The following NR1D2 variants were observed in gnomAD, a reference collection of about 807,000 sequenced individuals.
NR1D2 encodes the protein nuclear receptor subfamily 1 group D member 2, also known as V-erbA-related protein 1-related.
NR1D2 carries 25 observed loss-of-function variants against 52.2 expected under a neutral mutation model. The observed-to-expected ratio is 0.48, with a 90% CI of 0.35 to 0.67. The LOEUF is 0.67. Ranked by LOEUF, NR1D2 falls within the 30% of genes least tolerant of loss-of-function variation. NR1D2 has a pLI of 0.01. For synonymous variants in NR1D2, 259 were observed against 230.1 expected (o/e 1.13, Z -1.14); for missense variants, 681 against 707.2 (o/e 0.96, Z 0.42).
In NR1D2 at chr3:23,965,948, T is replaced by G. The variant is rs181565452; in HGVS notation, c.1332+786T>G. Among the ~76,000 whole-genome samples, 594 of 152,336 alleles carry G rather than the reference T, an allele frequency of 3.9e-3. 4 individuals are homozygous for G. The highest frequency in any genetic ancestry group is 6.1e-3 in the Non-Finnish European group (413 of 68,024). On this transcript the variant is annotated intron_variant, in intron 6 of 7. Coordinates refer to ENST00000312521, the MANE Select transcript of NR1D2 (RefSeq NM_005126.5). ...ATGTGCCACCTTAGCTCTTCCTGGT[T>G]TCACCTTGCTTCAGGATCCTTGGCT...
At chr3:23,958,590 T>G (rs902981374) in intron 3 of NR1D2, among the ~76,000 whole-genome samples, 1 of 148,306 alleles carries the variant, frequency 6.7e-6, no homozygotes, top group Admixed American at 6.8e-5. Context: ...CGGTGAGCTA[T>G]TATTACGTCA....
chr3:23,958,351 G>A (rs77082825), intron 3 of NR1D2, among the ~76,000 whole-genome samples: 1 of 148,278 alleles, frequency 6.7e-6, no homozygotes, highest in Non-Finnish European at 1.5e-5. Flanking sequence ...CACTTTTTAA[G>A]AAGTAGTCAT....
At chr3:23,949,418 A>G (rs1705864488) in intron 1 of NR1D2, among the ~76,000 whole-genome samples, 1 of 151,974 alleles carries the variant, frequency 6.6e-6, no homozygotes, top group Non-Finnish European at 1.5e-5. Context: ...CCCTATTTAA[A>G]AAATGTCTCT....
At chr3:23,960,053 AT>A in intron 4 of NR1D2, 15 of 307,342 alleles carry the variant, frequency 4.9e-5, no homozygotes, top group South Asian at 1.9e-4. Flanking sequence ...AAAAAGAGCC[AT>A]TTTTTTTCTG....
rs971923828 is a variant in NR1D2, at chr3:23,979,612, T to C, written c.*2193T>C. ...TGCATTTTGTCTTGTAAAATTTTATTTGAATAAATTCTTCCTGTAGGTAAT... is the reference window on the plus strand; with the variant it reads ...TGCATTTTGTCTTGTAAAATTTTATCTGAATAAATTCTTCCTGTAGGTAAT... On this transcript the variant is annotated 3_prime_UTR_variant, in exon 8 of 8. Coordinates refer to ENST00000312521, the MANE Select transcript of NR1D2 (RefSeq NM_005126.5). The C allele has an allele frequency of 6.6e-6, 1 of 152,104 alleles. No individual in the cohort carries two copies. Among genetic ancestry groups the C allele is most frequent in the Non-Finnish European group, 1.5e-5 (1 of 67,934 alleles). 9.4% of individuals were successfully genotyped at this position (152,104 alleles called of 1,614,324 possible). A position where few individuals can be genotyped will look rare whatever the true frequency, so the allele number is the denominator to read the frequency against.
rs1317519603 is a variant in NR1D2 at position 23,978,525 on chromosome 3, A to G, written c.*1106A>G. On this transcript the variant is annotated 3_prime_UTR_variant, in exon 8 of 8. Transcript: ENST00000312521. ...TGTATTTTAGAGTTCATCTTTGGCA[A>G]AATCTTTGGTTCAGGGTACTAGTTG... The G allele has an allele frequency of 6.6e-6, 1 of 151,976 alleles. No individual in the cohort carries two copies. Among genetic ancestry groups the G allele is most frequent in the Non-Finnish European group, 1.5e-5 (1 of 67,948 alleles). 9.4% of individuals were successfully genotyped at this position (151,976 alleles called of 1,614,324 possible).
chr3:23,976,162 T>C (rs1156483903), intron 7 of NR1D2, among the ~76,000 whole-genome samples: 2 of 152,252 alleles, frequency 1.3e-5, no homozygotes, highest in Admixed American at 1.3e-4. Flanking sequence ...AATGACTGGT[T>C]TATAAACATA....
intron 7 of NR1D2, among the ~76,000 whole-genome samples, chr3:23,972,295 G>T (rs779307437): frequency 6.6e-6 from 1 of 152,194 alleles, no homozygotes; most frequent in African/African-American, 2.4e-5. Context: ...TTAATTACTG[G>T]CTAAGCAAGT....
intron 1 of NR1D2, among the ~76,000 whole-genome samples, chr3:23,948,909 T>C (rs1244978829): frequency 1.3e-5 from 2 of 152,222 alleles, no homozygotes; most frequent in East Asian, 3.8e-4. Context: ...CAGTGATATA[T>C]GTAGGTTATA....
intron 7 of NR1D2, 78 bp downstream of exon 7, chr3:23,968,101 T>C: frequency 8.8e-7 from 1 of 1,131,108 alleles, no homozygotes; most frequent in Non-Finnish European, 1.3e-6. Flanking sequence ...TTAACAGGGT[T>C]CCAGAAAGTT....
chr3:23,952,643 A>C, intron 1 of NR1D2, among the ~76,000 whole-genome samples: 1 of 151,508 alleles, frequency 6.6e-6, no homozygotes, highest in East Asian at 2.0e-4. Context: ...GGAGAATCGC[A>C]TGAACCCGGG....
chr3:23,966,036 G>A (rs1022120492), intron 6 of NR1D2, among the ~76,000 whole-genome samples: 6 of 152,134 alleles, frequency 3.9e-5, no homozygotes, highest in African/African-American at 1.4e-4. Context: ...AGTCTCTACT[G>A]TATAACTTAA....
intron 1 of NR1D2, among the ~76,000 whole-genome samples, chr3:23,950,935 C>G (rs571911872): frequency 5.1e-3 from 444 of 86,796 alleles, no homozygotes; most frequent in Admixed American, 8.1e-3. Context: ...ATGGAGTTTT[C>G]ACTCTTGTTG....
chr3:23,965,484 G>A (rs1706418569), intron 6 of NR1D2, among the ~76,000 whole-genome samples: 1 of 150,864 alleles, frequency 6.6e-6, no homozygotes, highest in Non-Finnish European at 1.5e-5. Flanking sequence ...TGAGCTCAAA[G>A]CGATCTGCCC....
At chr3:23,964,424 TC>T (rs1294196787) in intron 5 of NR1D2, among the ~76,000 whole-genome samples, 1 of 152,156 alleles carries the variant, frequency 6.6e-6, no homozygotes, top group Non-Finnish European at 1.5e-5. Context: ...TGCTGTTTTT[TC>T]TTCTTGGAAA....
intron 1 of NR1D2, among the ~76,000 whole-genome samples, chr3:23,947,260 T>G (rs540728127): frequency 5.0e-4 from 76 of 152,284 alleles, no homozygotes; most frequent in African/African-American, 1.8e-3. Flanking sequence ...TTAGGAAGTT[T>G]TTCTCTGGTT....
chr3:23,964,803 G>A, intron 5 of NR1D2, 174 bp from the exon 6 acceptor site: 2 of 490,828 alleles, frequency 4.1e-6, no homozygotes, highest in South Asian at 8.0e-5. Context: ...GTTGCCAAGA[G>A]GCTTTCTACA....
At chr3:23,958,206 G>A (rs371520286) in intron 3 of NR1D2, among the ~76,000 whole-genome samples, 2 of 152,230 alleles carry the variant, frequency 1.3e-5, no homozygotes, top group African/African-American at 2.4e-5. Flanking sequence ...TTGCTGGCAC[G>A]TAGTCAGTGA....
chr3:23,965,232 ATTCTT>A lies in NR1D2; in HGVS notation c.1332+73_1332+77del, dbSNP rs1420082208. On this transcript the variant is annotated intron_variant, in intron 6 of 7. Transcript: ENST00000312521. ...GTATTTTATTTTCATGGATGTTTTA[ATTCTT>A]TTTTTTTTTTTTTTTTTTTTGAGAC... is the stretch of plus-strand genomic sequence containing the variant. 408 of 686,936 alleles carry A rather than the reference ATTCTT, an allele frequency of 5.9e-4. 1 individual carries two copies. The highest frequency in any genetic ancestry group is 7.5e-4 in the Non-Finnish European group (351 of 468,620). 42.6% of individuals were successfully genotyped at this position (686,936 alleles called of 1,614,324 possible).
Sources: allele counts gnomAD v4.1 joint callset (sites outside exome capture counted in the v4.1 genomes callset), GRCh38; gene constraint gnomAD v4.1.1; transcripts MANE v1.5; gene names NCBI Gene and HGNC (gene_info 2026-07-23, HGNC 2026-07-21).